The following XRN1 variants were observed in gnomAD, a reference collection of about 807,000 sequenced individuals.
The protein encoded by XRN1 is strand-exchange protein 1 homolog.
In XRN1, 67 loss-of-function variants were observed where a neutral mutation model predicts 222.3. The ratio of observed to expected loss-of-function variants is 0.30; its 90% CI spans 0.25 to 0.37. XRN1 has a LOEUF of 0.37. Among genes scored for constraint, XRN1 ranks in the 10% least tolerant of loss-of-function variants. The pLI, the probability that XRN1 is intolerant of heterozygous loss-of-function variation, is 1.00. For missense variants in XRN1, 1,707 were observed against 2,000.2 expected, an observed-to-expected ratio of 0.85 and a Z score of 2.80; for synonymous variants, 643 against 652.4, an observed-to-expected ratio of 0.99 and a Z score of 0.22.
At position 142,447,011 on chromosome 3, in the gene XRN1, C is replaced by A. The variant is rs553327310; in HGVS notation, c.75+859G>T. Among the ~76,000 whole-genome samples the A allele has an allele frequency of 0.073, 11,042 of 152,144 alleles. 1,325 individuals are homozygous for A. Among genetic ancestry groups the A allele is most frequent in the African/African-American group, 0.25 (10,444 of 41,418 alleles). On this transcript the variant is annotated intron_variant, in intron 1 of 40. Coordinates refer to ENST00000392981, the MANE Select transcript of XRN1 (RefSeq NM_001282857.2). The surrounding 1 kb of genome is among the most constrained non-coding windows in gnomAD (Gnocchi z 4.2). ...TTCTGTAAAGCATCAGAAAAGAGAT[C>A]AAATTCATTAAATGTGACAAACACC...
At chr3:142,444,382 C>CG (rs2070400197) in intron 1 of XRN1, among the ~76,000 whole-genome samples, 1 of 152,070 alleles carries the variant, frequency 6.6e-6, no homozygotes, top group Non-Finnish European at 1.5e-5. Flanking sequence ...CTGAGGTGGG[C>CG]GGATCACTTG....
chr3:142,414,768 T>C (rs536378951), intron 13 of XRN1, among the ~76,000 whole-genome samples: 59 of 152,352 alleles, frequency 3.9e-4, no homozygotes, highest in African/African-American at 1.0e-3. Context: ...GTGCTGGGAT[T>C]ACAGGCGTAA....
chr3:142,332,318 C>T, intron 36 of XRN1, 57 bp downstream of exon 36: 1 of 1,269,420 alleles, frequency 7.9e-7, no homozygotes, highest in Admixed American at 2.2e-5. Context: ...TTAAAAAGAA[C>T]CAAATGAATT....
intron 39 of XRN1, among the ~76,000 whole-genome samples, chr3:142,317,457 T>A (rs762285281): frequency 1.3e-4 from 20 of 152,310 alleles, no homozygotes; most frequent in South Asian, 4.1e-4. Flanking sequence ...ATCTTCCAAT[T>A]TCCTATCTGG....
At position 142,401,806 on chromosome 3, in the gene XRN1, T is replaced by C. The variant is rs116593613; in HGVS notation, c.2104-1259A>G. On this transcript the variant is annotated intron_variant, in intron 18 of 40. Coordinates refer to ENST00000392981, the MANE Select transcript of XRN1 (RefSeq NM_001282857.2). ...ACAATCTTAGCCTAGTTCTCAGAAA[T>C]TGAAATTCTGCTTCCACCAATCTAC... 1.4e-3 allele frequency among the ~76,000 whole-genome samples: 218 copies of C among 152,332 alleles called. 2 individuals carry two copies. Among genetic ancestry groups the C allele is most frequent in the African/African-American group, 5.1e-3 (210 of 41,570 alleles).
At chr3:142,382,824 T>C (rs551425156) in intron 22 of XRN1, among the ~76,000 whole-genome samples, 4 of 150,882 alleles carry the variant, frequency 2.7e-5, no homozygotes, top group Admixed American at 2.6e-4. Flanking sequence ...TACAAACATA[T>C]ATACATATTT....
At chr3:142,397,184 C>T (rs1342299516) in intron 20 of XRN1, 145 bp downstream of exon 20, 2 of 746,850 alleles carry the variant, frequency 2.7e-6, no homozygotes, top group Non-Finnish European at 3.8e-6. Context: ...TCATTTTAAA[C>T]TAGAACTCAT....
chr3:142,357,170 T>C (rs1465884374), intron 30 of XRN1, 51 bp from the exon 31 acceptor site: 1 of 1,516,992 alleles, frequency 6.6e-7, no homozygotes, highest in Non-Finnish European at 9.0e-7. Flanking sequence ...ACTAAATGTG[T>C]TAGGGAGAAA....
chr3:142,401,638 T>C (rs1258819321), intron 18 of XRN1, among the ~76,000 whole-genome samples: 1 of 151,990 alleles, frequency 6.6e-6, no homozygotes, highest in East Asian at 1.9e-4. Context: ...GAATCGCTCC[T>C]GGGCAGCAGA....
At chr3:142,397,271 T>C in intron 20 of XRN1, 58 bp downstream of exon 20, 5 of 1,455,520 alleles carry the variant, frequency 3.4e-6, no homozygotes, top group Non-Finnish European at 3.7e-6. Flanking sequence ...AGTTAGAGAA[T>C]GAGTACATTA....
intron 9 of XRN1, 70 bp from the exon 10 acceptor site, chr3:142,421,223 A>C: frequency 7.3e-7 from 1 of 1,370,858 alleles, no homozygotes; most frequent in South Asian, 1.6e-5. Flanking sequence ...ATCAAACTTA[A>C]AACAGTGACT....
At chr3:142,355,255 A>C in intron 32 of XRN1, 146 bp downstream of exon 32, 1 of 453,972 alleles carries the variant, frequency 2.2e-6, no homozygotes, top group Non-Finnish European at 3.7e-6. Context: ...AAATTATTTA[A>C]AAAAAGAAAA....
chr3:142,432,242 A>ATTATATATAT, intron 2 of XRN1, among the ~76,000 whole-genome samples: 1 of 108,172 alleles, frequency 9.2e-6, no homozygotes, highest in African/African-American at 4.8e-5. Flanking sequence ...TATATATATA[A>ATTATATATAT]AATTTATTTT....
chr3:142,399,783 A>G (rs1366987563), intron 19 of XRN1, among the ~76,000 whole-genome samples: 1 of 148,362 alleles, frequency 6.7e-6, no homozygotes, highest in African/African-American at 2.6e-5. Context: ...CCAAAATTCT[A>G]AACCTATGTG....
At chr3:142,412,686 A>G in intron 14 of XRN1, 23 bp from the exon 15 acceptor site, 1 of 1,477,326 alleles carries the variant, frequency 6.8e-7, no homozygotes. Context: ...GAAATAGTAT[A>G]ATAGAAATAT....
intron 27 of XRN1, among the ~76,000 whole-genome samples, chr3:142,365,852 T>C (rs2066797686): frequency 6.6e-6 from 1 of 152,186 alleles, no homozygotes; most frequent in Non-Finnish European, 1.5e-5. Flanking sequence ...ATGAAAAGAA[T>C]TACATACAAT....
rs562440264 is a variant in XRN1, at chr3:142,380,053, A to C, written c.2715+29T>G. The C allele has an allele frequency of 1.9e-6, 3 of 1,561,452 alleles. No homozygotes were observed. In the South Asian group the frequency reaches 3.6e-5, roughly 19 times the overall value. On this transcript the variant is annotated intron_variant, in intron 23 of 40. Coordinates refer to ENST00000392981, the MANE Select transcript of XRN1 (RefSeq NM_001282857.2). Reference sequence around the variant, plus strand: ...ATATTTTAAAAGTTTATCAATTCTAAATGAAACAATACAAACTACTGTACT... The same window carrying C: ...ATATTTTAAAAGTTTATCAATTCTACATGAAACAATACAAACTACTGTACT...
intron 3 of XRN1, 80 bp downstream of exon 3, chr3:142,426,664 T>C: frequency 4.4e-6 from 6 of 1,374,524 alleles, no homozygotes; most frequent in Non-Finnish European, 6.1e-6. Flanking sequence ...AAATAGAGCA[T>C]AGAAAATAAA....
chr3:142,390,248 G>A (rs994165678), intron 20 of XRN1, among the ~76,000 whole-genome samples: 1 of 152,192 alleles, frequency 6.6e-6, no homozygotes, highest in African/African-American at 2.4e-5. Context: ...CCTGATTTTT[G>A]AGGCTTTGAA....
Sources: gnomAD v4.1 joint callset for allele counts (sites outside exome capture counted in the v4.1 genomes callset) on GRCh38, gnomAD v4.1.1 for gene constraint, Gnocchi (gnomAD v3.1) non-coding constraint, MANE v1.5 for transcripts, NCBI Gene and HGNC (gene_info 2026-07-23, HGNC 2026-07-21) for gene names.